CRYM: variants seen among roughly 807,000 people sequenced by gnomAD.
CRYM encodes ketimine reductase mu-crystallin.
Under a neutral mutation model 32.9 loss-of-function variants are expected in CRYM, and 18 were observed. The ratio of observed to expected loss-of-function variants is 0.55; its 90% confidence interval spans 0.38 to 0.81. The LOEUF is 0.81. CRYM is among the 30% of genes least tolerant of loss of function. The pLI, the probability that CRYM is intolerant of heterozygous loss-of-function variation, is 0.00. For missense variants in CRYM, 337 were observed against 393.5 expected, an observed-to-expected ratio of 0.86 and a Z score of 1.21; for synonymous variants, 153 against 152.4, an observed-to-expected ratio of 1.00 and a Z score of -0.03.
In CRYM at chr16:21,277,488, G is replaced by C. The variant is rs1266910033; in HGVS notation, c.267C>G (p.Val89=). The change falls in exon 2 of 8, where the codon GTC becomes GTG. Residue 89 remains valine, a synonymous_variant. Transcript: ENST00000572914. The surrounding 1 kb of genome is among the most constrained non-coding windows in gnomAD (Gnocchi z 4.2). ...GTAGCACAGTAGCCTGGTGGGAAGG[G>C]ACGACCGAGGTGATGCCGCGGTCCT... ...FYEDRGITSV[V]PSHQATVLLF... The C allele has an allele frequency of 1.9e-6, 3 of 1,613,732 alleles. No individual in the cohort carries two copies. Among genetic ancestry groups the C allele is most frequent in the Non-Finnish European group, 2.5e-6 (3 of 1,180,010 alleles).
intron 3 of CRYM, among the ~76,000 whole-genome samples, chr16:21,270,689 C>A (rs921047337): frequency 6.6e-6 from 1 of 152,168 alleles, no homozygotes; most frequent in Non-Finnish European, 1.5e-5. Flanking sequence ...TCAGCCATAC[C>A]CACTTCTCAG....
intron 1 of CRYM, among the ~76,000 whole-genome samples, chr16:21,287,546 G>T (rs754293205): frequency 1.3e-5 from 2 of 152,192 alleles, no homozygotes; most frequent in Non-Finnish European, 2.9e-5. Flanking sequence ...CATGTGATGA[G>T]GATTGAAACT....
chr16:21,273,556 G>A (rs2093380387), intron 3 of CRYM, among the ~76,000 whole-genome samples: 1 of 152,150 alleles, frequency 6.6e-6, no homozygotes, highest in Non-Finnish European at 1.5e-5. Context: ...TGATTCAGTA[G>A]GCATGGGAAT....
At chr16:21,260,205 G>A (rs1263284144) in intron 7 of CRYM, among the ~76,000 whole-genome samples, 2 of 152,178 alleles carry the variant, frequency 1.3e-5, no homozygotes, top group Non-Finnish European at 1.5e-5. Flanking sequence ...TCATGAGAGG[G>A]GGACAGAGGG....
In CRYM at chr16:21,277,321, AG is replaced by A; in HGVS notation, c.324+109del. On this transcript the variant is annotated intron_variant, in intron 2 of 7. Transcript: ENST00000572914. This position sits in a 1 kb window ranked among gnomAD's most constrained non-coding sequence, Gnocchi z 4.2. Reference sequence around the variant, plus strand: ...GTTGCTGGTATCCAGTCACTTGCAGAGGGGCACGCGTAGTCACAATCAAGAC... The same window carrying A: ...GTTGCTGGTATCCAGTCACTTGCAGAGGGCACGCGTAGTCACAATCAAGAC... 8.8e-7 allele frequency: 1 copy of A among 1,139,766 alleles called. No homozygotes were observed. The highest frequency in any genetic ancestry group is 1.9e-5 in the Admixed American group (1 of 51,716). The allele number at this position is 1,139,766 out of a possible 1,614,324, so 70.6% of individuals were successfully genotyped here. A position where few individuals can be genotyped will look rare whatever the true frequency, so the allele number is the denominator to read the frequency against.
chr16:21,269,983 C>G, intron 3 of CRYM, 92 bp from the exon 4 acceptor site: 1 of 839,558 alleles, frequency 1.2e-6, no homozygotes. Context: ...TGACTTCTGC[C>G]CTCTCTTCTG....
upstream of CRYM, among the ~76,000 whole-genome samples, chr16:21,279,798 G>GT (rs1459840917): frequency 6.6e-6 from 1 of 152,164 alleles, no homozygotes; most frequent in Non-Finnish European, 1.5e-5. Context: ...CAGTGGATGA[G>GT]TAAGTGTCAA....
intron 1 of CRYM, among the ~76,000 whole-genome samples, chr16:21,299,025 AC>A (rs1242991208): frequency 1.3e-5 from 2 of 152,192 alleles, no homozygotes; most frequent in East Asian, 1.9e-4. Flanking sequence ...GTGGATCATT[AC>A]TCACCTGTAT....
chr16:21,297,122 G>A (rs1302779630), intron 1 of CRYM, among the ~76,000 whole-genome samples: 2 of 152,100 alleles, frequency 1.3e-5, no homozygotes, highest in Admixed American at 6.6e-5. Flanking sequence ...GGCCAGGCGC[G>A]GTGGCTCACG....
intron 1 of CRYM, chr16:21,299,810 T>C (rs1038591186): frequency 6.6e-6 from 1 of 152,212 alleles, no homozygotes; most frequent in Admixed American, 6.5e-5. Flanking sequence ...ACCTCCTCTA[T>C]CCACCCCTTC....
intron 3 of CRYM, among the ~76,000 whole-genome samples, chr16:21,270,500 T>G (rs528271400): frequency 6.6e-6 from 1 of 152,100 alleles, no homozygotes. Flanking sequence ...GCCAGGCTGG[T>G]CTCAAACTCC....
At chr16:21,297,816 C>T (rs1041489470) in intron 1 of CRYM, among the ~76,000 whole-genome samples, 2 of 152,086 alleles carry the variant, frequency 1.3e-5, no homozygotes, top group Non-Finnish European at 2.9e-5. Flanking sequence ...GCTTAATTCT[C>T]TGACTAGATG....
chr16:21,298,611 A>G (rs1960835153), intron 1 of CRYM, among the ~76,000 whole-genome samples: 1 of 152,244 alleles, frequency 6.6e-6, no homozygotes, highest in Non-Finnish European at 1.5e-5. Context: ...GTGCATGTGT[A>G]GATAAAATGA....
At position 21,275,604 on chromosome 16, in the gene CRYM, A is replaced by G; in HGVS notation, c.325-10T>C. 6.2e-7 allele frequency: 1 copy of G among 1,612,612 alleles called. No individual in the cohort carries two copies. Among genetic ancestry groups the G allele is most frequent in the South Asian group, 1.1e-5 (1 of 91,042 alleles). On this transcript the variant is annotated splice_polypyrimidine_tract_variant and intron_variant, in intron 2 of 7. Transcript: ENST00000572914. ...CATTTCCATCCATGACCTTGGAGGA[A>G]AAGAGAGACAGTGAGCAAGGGGAAC...
chr16:21,290,625 A>G (rs183464506), intron 1 of CRYM, among the ~76,000 whole-genome samples: 4 of 152,278 alleles, frequency 2.6e-5, no homozygotes, highest in East Asian at 1.9e-4. Flanking sequence ...CTTTTTTTCC[A>G]GTAATTTGAA....
chr16:21,301,729 C>G (rs553696968), intron 1 of CRYM, among the ~76,000 whole-genome samples: 3 of 152,366 alleles, frequency 2.0e-5, no homozygotes, highest in Admixed American at 2.0e-4. Flanking sequence ...GCCCCCAGCC[C>G]TAGTGCAGCC....
At chr16:21,292,743 A>G (rs559954716) in intron 1 of CRYM, among the ~76,000 whole-genome samples, 27 of 151,884 alleles carry the variant, frequency 1.8e-4, no homozygotes, top group Admixed American at 3.9e-4. Context: ...ATGGATGGAT[A>G]GATAGATAGA....
chr16:21,264,829 C>T (rs2093360906), intron 5 of CRYM, among the ~76,000 whole-genome samples: 1 of 152,046 alleles, frequency 6.6e-6, no homozygotes, highest in African/African-American at 2.4e-5. Context: ...TCTCTGGGAG[C>T]TGAGAATGGC....
In CRYM at chr16:21,270,482, C is replaced by T. The variant is rs150010975; in HGVS notation, c.388-591G>A. On this transcript the variant is annotated intron_variant, in intron 3 of 7. Transcript: ENST00000572914. ...TATTTTCGATAGAGATGGGGTTTCACCATGTTGGCCAGGCTGGTCTCAAAC... is the reference window on the plus strand; with the variant it reads ...TATTTTCGATAGAGATGGGGTTTCATCATGTTGGCCAGGCTGGTCTCAAAC... Among the ~76,000 whole-genome samples, 1,281 of 152,152 alleles carry T rather than the reference C, an allele frequency of 8.4e-3. 23 individuals are homozygous for T. The highest frequency in any genetic ancestry group is 0.029 in the African/African-American group (1,221 of 41,492).
Sources: gnomAD v4.1 joint callset for allele counts (sites outside exome capture counted in the v4.1 genomes callset) on GRCh38, gnomAD v4.1.1 for gene constraint, Gnocchi (gnomAD v3.1) non-coding constraint, MANE v1.5 for transcripts, NCBI Gene and HGNC (gene_info 2026-07-23, HGNC 2026-07-21) for gene names.